ARHGAP11B: variants seen among roughly 807,000 people sequenced by gnomAD.
The protein encoded by ARHGAP11B is Rho GTPase activating protein 11B, also known as inactive Rho GTPase-activating protein 11B.
In ARHGAP11B, 14 loss-of-function variants were observed where a neutral mutation model predicts 27.6. The ratio of observed to expected loss-of-function variants is 0.51; its 90% CI spans 0.34 to 0.79. ARHGAP11B has a LOEUF of 0.79. Ranked by LOEUF, ARHGAP11B falls within the 30% of genes least tolerant of loss-of-function variation. The probability of loss-of-function intolerance (pLI) is 0.02; values close to 1 mark genes in which losing one functional copy is unlikely to be tolerated. For missense variants in ARHGAP11B, 245 were observed against 320.1 expected, an observed-to-expected ratio of 0.77 and a Z score of 1.79; for synonymous variants, 82 against 114.1, an observed-to-expected ratio of 0.72 and a Z score of 1.80.
At chr15:30,641,672 T>C (rs920343627) in intron 7 of ARHGAP11B, 1 of 152,128 alleles carries the variant, frequency 6.6e-6, no homozygotes, top group East Asian at 1.9e-4. Context: ...AAATTTGCAT[T>C]GTTCCATATA....
At chr15:30,642,069 C>T (rs926785084) in intron 7 of ARHGAP11B, among the ~76,000 whole-genome samples, 1 of 151,960 alleles carries the variant, frequency 6.6e-6, no homozygotes, top group African/African-American at 2.4e-5. Context: ...CTACTTATGA[C>T]ACTTTAGATG....
chr15:30,648,686 A>G (rs750684396), exon 11 of ARHGAP11B: 4 of 152,044 alleles, frequency 2.6e-5, no homozygotes, highest in Non-Finnish European at 5.9e-5. Flanking sequence ...AGTTGCAGTT[A>G]TTATCATGAA....
At chr15:30,631,797 T>TC (rs1189236628) in intron 2 of ARHGAP11B, among the ~76,000 whole-genome samples, 1 of 151,600 alleles carries the variant, frequency 6.6e-6, no homozygotes, top group African/African-American at 2.4e-5. Flanking sequence ...CTTTTTTTTT[T>TC]TTTTTTGAGA....
intron 6 of ARHGAP11B, 43 bp from the exon 7 acceptor site, chr15:30,638,703 C>A: frequency 2.5e-6 from 3 of 1,202,768 alleles, no homozygotes; most frequent in South Asian, 1.5e-5. Context: ...TGGTGAAAGA[C>A]AAGTAAATGT....
chr15:30,643,128 A>G (rs184130398), intron 7 of ARHGAP11B, among the ~76,000 whole-genome samples: 33 of 152,100 alleles, frequency 2.2e-4, no homozygotes, highest in African/African-American at 7.2e-4. Flanking sequence ...GAATTTTACC[A>G]GTTGCCTCTA....
At chr15:30,644,463 A>G (rs1276050025) in intron 7 of ARHGAP11B, among the ~76,000 whole-genome samples, 2 of 152,042 alleles carry the variant, frequency 1.3e-5, no homozygotes, top group Non-Finnish European at 2.9e-5. Flanking sequence ...TTTAAAATAA[A>G]TTATCTATAT....
chr15:30,647,089 A>G (rs1020212908), intron 9 of ARHGAP11B, among the ~76,000 whole-genome samples: 2 of 152,000 alleles, frequency 1.3e-5, no homozygotes, highest in African/African-American at 4.8e-5. Flanking sequence ...GTCATCTGGT[A>G]AACTGCAAGG....
intron 1 of ARHGAP11B, among the ~76,000 whole-genome samples, chr15:30,628,079 CTT>C (rs371979874): frequency 3.5e-5 from 5 of 140,956 alleles, no homozygotes; most frequent in Admixed American, 1.4e-4. Context: ...TTTTCTTTTC[CTT>C]TTTTTTTTTT....
chr15:30,628,247 A>AT, intron 1 of ARHGAP11B, among the ~76,000 whole-genome samples: 1 of 151,684 alleles, frequency 6.6e-6, no homozygotes, highest in South Asian at 2.1e-4. Flanking sequence ...CACCTGGCTA[A>AT]TTTTTTGTAT....
chr15:30,644,867 T>C (rs1698054291), intron 8 of ARHGAP11B, among the ~76,000 whole-genome samples: 1 of 152,110 alleles, frequency 6.6e-6, no homozygotes, highest in African/African-American at 2.4e-5. Context: ...AAGTAATCTG[T>C]AATTCATTTG....
intron 6 of ARHGAP11B, among the ~76,000 whole-genome samples, chr15:30,636,913 G>C (rs555208229): frequency 6.6e-6 from 1 of 151,874 alleles, no homozygotes; most frequent in East Asian, 1.9e-4. Flanking sequence ...ATTTTAACTC[G>C]AGTACATCTG....
intron 8 of ARHGAP11B, among the ~76,000 whole-genome samples, chr15:30,645,925 G>T (rs1219083368): frequency 1.3e-5 from 2 of 152,054 alleles, no homozygotes; most frequent in African/African-American, 4.8e-5. Flanking sequence ...GTTTCCATGT[G>T]TAGATAAAGA....
chr15:30,629,960 G>T (rs1232222423), intron 1 of ARHGAP11B, among the ~76,000 whole-genome samples: 3 of 152,100 alleles, frequency 2.0e-5, no homozygotes, highest in Non-Finnish European at 4.4e-5. Context: ...CACGCACAAA[G>T]ATAGTGGCAG....
intron 7 of ARHGAP11B, among the ~76,000 whole-genome samples, chr15:30,639,028 A>G (rs934362912): frequency 6.6e-6 from 1 of 151,826 alleles, no homozygotes; most frequent in Non-Finnish European, 1.5e-5. Context: ...GTAGGCAAAA[A>G]TTTTTTTAGT....
exon 4 of ARHGAP11B, chr15:30,634,351 C>G (rs1298426233): frequency 1.2e-5 from 20 of 1,613,346 alleles, no homozygotes; most frequent in African/African-American, 2.7e-5. Flanking sequence ...CTGTTGCTCT[C>G]CTGTCTTCTG....
At chr15:30,628,222 A>G (rs1169063487) in intron 1 of ARHGAP11B, among the ~76,000 whole-genome samples, 2 of 151,796 alleles carry the variant, frequency 1.3e-5, no homozygotes, top group Admixed American at 6.6e-5. Context: ...CTGGAACTAC[A>G]GGCGTCCGCC....
chr15:30,626,726 G>A, exon 1 of ARHGAP11B: 66 of 1,503,808 alleles, frequency 4.4e-5, no homozygotes, highest in Non-Finnish European at 5.7e-5. Context: ...CAGCCGAGCG[G>A]AGTTCAAATT....
intron 8 of ARHGAP11B, among the ~76,000 whole-genome samples, chr15:30,645,132 T>C (rs2060339089): frequency 6.6e-6 from 1 of 151,840 alleles, no homozygotes; most frequent in Non-Finnish European, 1.5e-5. Flanking sequence ...GGAGATGGTG[T>C]GGGAGTGGAG....
At chr15:30,638,967 A>G in intron 7 of ARHGAP11B, 157 bp downstream of exon 7, 2 of 388,638 alleles carry the variant, frequency 5.1e-6, no homozygotes, top group Non-Finnish European at 8.9e-6. Context: ...TGTACTATAC[A>G]CACTATGTTG....
Sources: gnomAD v4.1 joint callset for allele counts (sites outside exome capture counted in the v4.1 genomes callset) on GRCh38, gnomAD v4.1.1 for gene constraint, MANE v1.5 for transcripts, NCBI Gene and HGNC (gene_info 2026-07-23, HGNC 2026-07-21) for gene names.